TMEM72: variants seen among roughly 807,000 people sequenced by gnomAD.
TMEM72 encodes the protein transmembrane protein 72, also known as kidney-specific secretory protein of 37 kDa.
Under a neutral mutation model 16.3 loss-of-function variants are expected in TMEM72, and 9 were observed. The ratio of observed to expected loss-of-function variants is 0.55; its 90% CI spans 0.33 to 0.96. The LOEUF (loss-of-function observed/expected upper bound fraction) is 0.96. Among genes scored for constraint, TMEM72 ranks in the 40% least tolerant of loss-of-function variants. The pLI is 0.03. For missense variants in TMEM72, 324 were observed against 337.8 expected (o/e 0.96, Z 0.32); for synonymous variants, 160 against 146.5 (o/e 1.09, Z -0.66).
intron 1 of TMEM72, among the ~76,000 whole-genome samples, chr10:44,918,906 C>A (rs1295942100): frequency 6.6e-6 from 1 of 152,122 alleles, no homozygotes; most frequent in African/African-American, 2.4e-5. Context: ...CCCTCAGATA[C>A]CAAATCTGCC....
chr10:44,924,187 G>A lies in TMEM72; in HGVS notation c.71-3734G>A, dbSNP rs570148612. Among the ~76,000 whole-genome samples the A allele has an allele frequency of 4.3e-4, 65 of 152,276 alleles. 1 individual carries two copies. The highest frequency in any genetic ancestry group is 3.4e-4 in the African/African-American group (14 of 41,564). On this transcript the variant is annotated intron_variant, in intron 1 of 4. Coordinates refer to ENST00000389583, the MANE Select transcript of TMEM72 (RefSeq NM_001123376.3). ...TCCACATGCACTGCCCATTGCCCCCGACTGTGCCCCTGCTTCTGCTGTTAG... is the reference window on the plus strand; with the variant it reads ...TCCACATGCACTGCCCATTGCCCCCAACTGTGCCCCTGCTTCTGCTGTTAG...
In TMEM72 at chr10:44,934,899, C is replaced by T. The variant is rs1019253967; in HGVS notation, c.593C>T (p.Ala198Val). ...CTGAAGGGGACTAAGAAGCCCAGTG[C>T]CCTCCAGCCCCCCAACACCCTGATG... The part of the protein sequence containing the change: ...SILKGTKKPS[A>V]LQPPNTLMEL... Residue 198 changes from alanine to valine, a missense_variant, in exon 5 of 5, where the codon GCC becomes GTC. By Grantham distance (64) the Ala-to-Val change is moderately conservative (BLOSUM62 0). Coordinates refer to ENST00000389583, the MANE Select transcript of TMEM72 (RefSeq NM_001123376.3). 1.2e-6 allele frequency: 2 copies of T among 1,613,322 alleles called. No homozygotes were observed. The highest frequency in any genetic ancestry group is 8.5e-7 in the Non-Finnish European group (1 of 1,179,774).
Position 44,935,188 on chromosome 10 carries a change from C to A in TMEM72, c.*54C>A. ...GTGAGGGGTCTACCTAGCTCAATGG[C>A]CCTCCCTGGAGTTTCAGGGTCTTCT... On this transcript the variant is annotated 3_prime_UTR_variant, in exon 5 of 5. Coordinates refer to ENST00000389583, the MANE Select transcript of TMEM72 (RefSeq NM_001123376.3). The A allele has an allele frequency of 6.7e-7, 1 of 1,488,454 alleles. No individual in the cohort carries two copies. Among genetic ancestry groups the A allele is most frequent in the Non-Finnish European group, 9.0e-7 (1 of 1,109,928 alleles). The allele number at this position is 1,488,454 out of a possible 1,614,324, so 92.2% of individuals were successfully genotyped here.
At chr10:44,931,754 C>T in intron 2 of TMEM72, 1 of 533,454 alleles carries the variant, frequency 1.9e-6, no homozygotes, top group Admixed American at 3.2e-5. Flanking sequence ...AAGGCCATGT[C>T]ACCTGCTGGC....
At chr10:44,934,287 C>T (rs1840355211) in intron 4 of TMEM72, among the ~76,000 whole-genome samples, 1 of 152,196 alleles carries the variant, frequency 6.6e-6, no homozygotes, top group African/African-American at 2.4e-5. Flanking sequence ...CTTGCTCCCA[C>T]CTTTTCAGTT....
intron 1 of TMEM72, among the ~76,000 whole-genome samples, chr10:44,921,645 G>C (rs1054491976): frequency 3.0e-4 from 45 of 152,212 alleles, no homozygotes; most frequent in African/African-American, 9.9e-4. Context: ...GTGAGTTGCT[G>C]ATTCAGGCCA....
chr10:44,930,007 C>G (rs1282461080), intron 2 of TMEM72, among the ~76,000 whole-genome samples: 1 of 152,254 alleles, frequency 6.6e-6, no homozygotes, highest in Non-Finnish European at 1.5e-5. Context: ...GCAGGCGGGC[C>G]TTCCTCCTCT....
intron 1 of TMEM72, among the ~76,000 whole-genome samples, chr10:44,925,802 T>C (rs73277485): frequency 1.3e-5 from 2 of 152,186 alleles, no homozygotes; most frequent in Non-Finnish European, 2.9e-5. Flanking sequence ...ACTGCTGCAA[T>C]GATTAAACAA....
intron 2 of TMEM72, among the ~76,000 whole-genome samples, chr10:44,931,537 A>C (rs1388625987): frequency 6.6e-6 from 1 of 152,260 alleles, no homozygotes; most frequent in East Asian, 1.9e-4. Flanking sequence ...GGCAATGCCC[A>C]TGAGGTCAGA....
chr10:44,932,011 G>A lies in TMEM72; in HGVS notation c.151G>A (p.Ala51Thr), dbSNP rs200127534. 67 of 1,612,850 alleles carry A rather than the reference G, an allele frequency of 4.2e-5. No homozygotes were observed. The African/African-American group carries it at 6.5e-4, about 16-fold the overall frequency. The part of the protein sequence containing the change: ...LAFYLLFTGA[A>T]VSICEGAYFV... ...CTCCACCTGCAGGTTTACAGGAGCC[G>A]CTGTCTCCATATGTGAAGGGGCCTA... The change falls in exon 3 of 5, where the codon GCT becomes ACT. Residue 51 changes from alanine to threonine, a missense_variant. Ala to Thr is a moderately conservative substitution (Grantham distance 58, BLOSUM62 0). Transcript: ENST00000389583.
chr10:44,917,736 A>G (rs7100544), intron 1 of TMEM72, among the ~76,000 whole-genome samples: 118,944 of 152,136 alleles, frequency 0.78, 47,287 homozygotes, highest in African/African-American at 0.88. Context: ...AAGAAGCCTG[A>G]TGTGTGTGGA....
At chr10:44,915,584 AG>A (rs1840002363) in intron 1 of TMEM72, among the ~76,000 whole-genome samples, 1 of 152,136 alleles carries the variant, frequency 6.6e-6, no homozygotes, top group Non-Finnish European at 1.5e-5. Flanking sequence ...GATGACCCCA[AG>A]ATGCAGGATG....
chr10:44,920,813 T>C (rs545006034), intron 1 of TMEM72, among the ~76,000 whole-genome samples: 18 of 152,346 alleles, frequency 1.2e-4, no homozygotes, highest in African/African-American at 4.3e-4. Flanking sequence ...CAGAATAAGA[T>C]GCAGACCAAA....
chr10:44,913,121 T>C (rs1271952334), intron 1 of TMEM72, among the ~76,000 whole-genome samples: 1 of 151,960 alleles, frequency 6.6e-6, no homozygotes, highest in East Asian at 1.9e-4. Flanking sequence ...AACCACGTTG[T>C]CGTCTACACA....
intron 1 of TMEM72, among the ~76,000 whole-genome samples, chr10:44,924,612 G>C (rs896648870): frequency 6.6e-6 from 1 of 152,214 alleles, no homozygotes; most frequent in East Asian, 1.9e-4. Flanking sequence ...ACAGAGGAGG[G>C]ACTCGGTGCG....
intron 1 of TMEM72, among the ~76,000 whole-genome samples, chr10:44,923,783 C>T (rs1840140976): frequency 6.6e-6 from 1 of 152,208 alleles, no homozygotes; most frequent in Non-Finnish European, 1.5e-5. Context: ...GCAGGGCATG[C>T]CTTCTGCTTT....
chr10:44,924,653 G>T (rs994489726), intron 1 of TMEM72, among the ~76,000 whole-genome samples: 1 of 152,274 alleles, frequency 6.6e-6, no homozygotes, highest in African/African-American at 2.4e-5. Context: ...GGCATGCTCT[G>T]CATCCAGGAA....
intron 1 of TMEM72, among the ~76,000 whole-genome samples, chr10:44,912,368 G>T (rs1285342604): frequency 6.6e-6 from 1 of 152,188 alleles, no homozygotes; most frequent in Non-Finnish European, 1.5e-5. Context: ...ACAGAGCCAG[G>T]ATCTGTTTTG....
chr10:44,927,850 G>T, intron 1 of TMEM72, 71 bp from the exon 2 acceptor site: 4 of 1,494,912 alleles, frequency 2.7e-6, no homozygotes, highest in South Asian at 1.1e-5. Context: ...CCACAGCCAA[G>T]GTACCCTCAA....
Sources: allele counts gnomAD v4.1 joint callset (sites outside exome capture counted in the v4.1 genomes callset), GRCh38; gene constraint gnomAD v4.1.1; transcripts MANE v1.5; gene names NCBI Gene and HGNC (gene_info 2026-07-23, HGNC 2026-07-21).